The following AFG3L2 variants were observed in gnomAD, a reference collection of about 807,000 sequenced individuals.
AFG3L2 encodes AFG3 like matrix AAA peptidase subunit 2, also known as mitochondrial inner membrane m-AAA protease component AFG3L2.
In AFG3L2, 54 loss-of-function variants were observed where a neutral mutation model predicts 94.5. The ratio of observed to expected loss-of-function variants is 0.57; its 90% CI spans 0.46 to 0.72. The LOEUF (loss-of-function observed/expected upper bound fraction) is 0.72. Among genes scored for constraint, AFG3L2 ranks in the 30% least tolerant of loss-of-function variants. The pLI is 0.00. For missense variants in AFG3L2, 754 were observed against 994.9 expected, an observed-to-expected ratio of 0.76 and a Z score of 3.26; for synonymous variants, 377 against 365.5, an observed-to-expected ratio of 1.03 and a Z score of -0.36.
At chr18:12,367,190 ATCCC>A in intron 4 of AFG3L2, 73 bp from the exon 5 acceptor site, 8 of 1,612,568 alleles carry the variant, frequency 5.0e-6, no homozygotes, top group Non-Finnish European at 6.8e-6. Flanking sequence ...TGAGACACAA[ATCCC>A]TCCAACACTA....
chr18:12,362,196 G>T (rs780913644), intron 6 of AFG3L2, among the ~76,000 whole-genome samples: 2 of 152,214 alleles, frequency 1.3e-5, no homozygotes, highest in Non-Finnish European at 2.9e-5. Context: ...GAGAAGGTAA[G>T]CCATCTACTA....
intron 6 of AFG3L2, among the ~76,000 whole-genome samples, chr18:12,361,780 A>G (rs1315099475): frequency 6.6e-6 from 1 of 152,254 alleles, no homozygotes; most frequent in Non-Finnish European, 1.5e-5. Context: ...ATGAAGAGTA[A>G]GTTTTATATT....
rs78550590 is a variant in AFG3L2, at chr18:12,337,689, G to C, written c.1981-154C>G. Among the ~76,000 whole-genome samples, 20,383 of 152,246 alleles carry C rather than the reference G, an allele frequency of 0.13. 1,752 individuals are homozygous for C. The highest frequency in any genetic ancestry group is 0.19 in the Middle Eastern group (57 of 294). ...GCACAGTGCTTTAAACTCATGACTAGAAACACAGAGCCAGAAGCCCAGGCA... is the reference window on the plus strand; with the variant it reads ...GCACAGTGCTTTAAACTCATGACTACAAACACAGAGCCAGAAGCCCAGGCA... On this transcript the variant is annotated intron_variant, in intron 15 of 16. Transcript: ENST00000269143.
At chr18:12,351,551 T>G (rs1908318792) in intron 10 of AFG3L2, 138 bp from the exon 11 acceptor site, 4 of 728,472 alleles carry the variant, frequency 5.5e-6, no homozygotes, top group Admixed American at 5.0e-5. Context: ...TGTTTTTTGT[T>G]TTTTTTTTTT....
At chr18:12,360,299 C>T (rs1908620441) in intron 6 of AFG3L2, 1 of 455,286 alleles carries the variant, frequency 2.2e-6, no homozygotes, top group South Asian at 3.1e-5. Context: ...AAATTATAAA[C>T]TCAAAAAACA....
At chr18:12,341,716 C>A (rs1468458396) in intron 14 of AFG3L2, 5 of 152,144 alleles carry the variant, frequency 3.3e-5, no homozygotes, top group African/African-American at 4.8e-5. Flanking sequence ...AAAGTAGTAA[C>A]AGTCCTTGCA....
intron 16 of AFG3L2, 179 bp downstream of exon 16, chr18:12,337,162 C>T (rs1054892131): frequency 1.5e-6 from 1 of 666,992 alleles, no homozygotes; most frequent in African/African-American, 1.8e-5. Context: ...CTTCTGCTCA[C>T]CACATTGCAA....
chr18:12,354,477 C>T (rs1359753753), intron 9 of AFG3L2, among the ~76,000 whole-genome samples: 4 of 152,170 alleles, frequency 2.6e-5, no homozygotes, highest in Admixed American at 2.6e-4. Flanking sequence ...TTGTGGCAGG[C>T]ACTCCACCCC....
Position 12,329,720 on chromosome 18 carries a change from G to T in AFG3L2, c.2239C>A (p.Pro747Thr). 6.2e-7 allele frequency: 1 copy of T among 1,614,086 alleles called. No homozygotes were observed. The highest frequency in any genetic ancestry group is 8.5e-7 in the Non-Finnish European group (1 of 1,180,022). Residue 747 changes from proline to threonine, a missense_variant, in exon 17 of 17, where the codon CCC becomes ACC. Physicochemically the swap from Pro to Thr is conservative, Grantham distance 38 (BLOSUM62 -1). Transcript: ENST00000269143. Reference protein sequence around the residue: ...DKNDMVELLGPRPFAEKSTYE... With the variant: ...DKNDMVELLGTRPFAEKSTYE... ...GTAGATTTTTCCGCAAATGGTCTGG[G>T]GCCCAAAAGTTCAACCATATCATTC...
chr18:12,347,975 G>A (rs541504626), intron 13 of AFG3L2, among the ~76,000 whole-genome samples: 1 of 152,216 alleles, frequency 6.6e-6, no homozygotes, highest in African/African-American at 2.4e-5. Flanking sequence ...TTCATGGGTA[G>A]ACACCTCGCT....
At chr18:12,347,135 A>G (rs1345008265) in intron 13 of AFG3L2, among the ~76,000 whole-genome samples, 1 of 152,218 alleles carries the variant, frequency 6.6e-6, no homozygotes, top group Non-Finnish European at 1.5e-5. Flanking sequence ...TCAAAAAACA[A>G]AAAAACAAAA....
chr18:12,365,752 C>A (rs1266290490), intron 5 of AFG3L2, among the ~76,000 whole-genome samples: 1 of 152,058 alleles, frequency 6.6e-6, no homozygotes, highest in Non-Finnish European at 1.5e-5. Flanking sequence ...AGTAAGTATT[C>A]ATGTCGTCTT....
chr18:12,371,253 G>A lies in AFG3L2; in HGVS notation c.215-327C>T, dbSNP rs377242509. Among the ~76,000 whole-genome samples the A allele has an allele frequency of 1.1e-3, 169 of 150,906 alleles. 1 individual carries two copies. The highest frequency in any genetic ancestry group is 4.0e-3 in the African/African-American group (164 of 40,958). ...CGCTTGAACCCAGAAGGCGGAGGTT[G>A]CAGTACGCCAAGATCGCACTAGTGC... On this transcript the variant is annotated intron_variant, in intron 2 of 16. Transcript: ENST00000269143.
intron 12 of AFG3L2, 152 bp downstream of exon 12, chr18:12,350,933 T>C (rs2143163759): frequency 3.9e-6 from 4 of 1,031,434 alleles, no homozygotes; most frequent in Non-Finnish European, 5.7e-6. Context: ...TGCAATTAAG[T>C]GAGACCCTGT....
At chr18:12,345,986 G>C (rs900390745) in intron 13 of AFG3L2, among the ~76,000 whole-genome samples, 1 of 152,124 alleles carries the variant, frequency 6.6e-6, no homozygotes, top group Admixed American at 6.5e-5. Flanking sequence ...CACTCGTCTG[G>C]TTTTGTACCC....
intron 15 of AFG3L2, among the ~76,000 whole-genome samples, chr18:12,337,946 T>C (rs745936589): frequency 3.3e-5 from 5 of 152,182 alleles, no homozygotes; most frequent in Admixed American, 6.5e-5. Flanking sequence ...ATTTTTGTAT[T>C]TTTAATAGAG....
At chr18:12,337,922 A>G (rs1360144548) in intron 15 of AFG3L2, among the ~76,000 whole-genome samples, 2 of 152,144 alleles carry the variant, frequency 1.3e-5, no homozygotes, top group African/African-American at 4.8e-5. Context: ...GGCACCTGCC[A>G]CCACTCCCGG....
chr18:12,341,478 C>G (rs1454078596), intron 14 of AFG3L2: 1 of 152,176 alleles, frequency 6.6e-6, no homozygotes, highest in Non-Finnish European at 1.5e-5. Flanking sequence ...TGCCTTCTGT[C>G]CCTATGGATT....
At chr18:12,358,260 G>A (rs958999213) in intron 8 of AFG3L2, among the ~76,000 whole-genome samples, 2 of 152,208 alleles carry the variant, frequency 1.3e-5, no homozygotes, top group African/African-American at 2.4e-5. Flanking sequence ...CCTCTCCACT[G>A]GATCCTGTGC....
Sources: gnomAD v4.1 joint callset for allele counts (sites outside exome capture counted in the v4.1 genomes callset) on GRCh38, gnomAD v4.1.1 for gene constraint, MANE v1.5 for transcripts, NCBI Gene and HGNC (gene_info 2026-07-23, HGNC 2026-07-21) for gene names.